The following GLIS3 variants were observed in gnomAD, a reference collection of about 807,000 sequenced individuals.
GLIS3 encodes the protein zinc finger protein GLIS3.
GLIS3 carries 53 observed loss-of-function variants against 78.6 expected under a neutral mutation model. The ratio of observed to expected loss-of-function variants is 0.67; its 90% CI spans 0.54 to 0.85. The LOEUF is 0.85. Ranked by LOEUF, GLIS3 falls within the 40% of genes least tolerant of loss-of-function variation. The pLI, the probability that GLIS3 is intolerant of heterozygous loss-of-function variation, is 0.00. For synonymous variants in GLIS3, 684 were observed against 509.9 expected (o/e 1.34, Z -4.60); for missense variants, 1,703 against 1,231.1 (o/e 1.38, Z -5.74).
At chr9:4,274,497 A>G (rs1587260746) in intron 2 of GLIS3, among the ~76,000 whole-genome samples, 1 of 151,792 alleles carries the variant, frequency 6.6e-6, no homozygotes, top group African/African-American at 2.4e-5. Flanking sequence ...CCTTCCTCAT[A>G]CCCTCTTGCA....
intron 4 of GLIS3, among the ~76,000 whole-genome samples, chr9:4,022,829 C>T (rs1358125073): frequency 6.6e-6 from 1 of 152,194 alleles, no homozygotes; most frequent in Non-Finnish European, 1.5e-5. Context: ...AGAAAGTATA[C>T]ACTATATGAT....
At chr9:4,305,346 C>T (rs1048357393) in intron 4 of GLIS3, 2 of 152,218 alleles carry the variant, frequency 1.3e-5, no homozygotes, top group Non-Finnish European at 2.9e-5. Context: ...TGAGCTGGTT[C>T]CTAAACCACG....
chr9:3,883,555 A>G (rs1349268937), intron 7 of GLIS3, among the ~76,000 whole-genome samples: 1 of 152,238 alleles, frequency 6.6e-6, no homozygotes, highest in Admixed American at 6.5e-5. Flanking sequence ...AACTCAACGA[A>G]TAGGGCACAC....
chr9:4,375,347 G>T, the GLIS3 span, among the ~76,000 whole-genome samples: 3 of 152,066 alleles, frequency 2.0e-5, no homozygotes, highest in South Asian at 6.2e-4. Context: ...TGAGAGTGTG[G>T]GTACAGAGAG....
At chr9:4,407,731 C>T in the GLIS3 span, among the ~76,000 whole-genome samples, 6 of 152,062 alleles carry the variant, frequency 3.9e-5, no homozygotes, top group Non-Finnish European at 8.8e-5. Context: ...GAGTAATACC[C>T]CGCAAGCGCA....
At chr9:4,438,539 G>C in the GLIS3 span, among the ~76,000 whole-genome samples, 1 of 152,124 alleles carries the variant, frequency 6.6e-6, no homozygotes, top group East Asian at 1.9e-4. Flanking sequence ...AGAAGAAATA[G>C]CTTATCCTGA....
chr9:4,007,099 A>G (rs1821608527), intron 4 of GLIS3, among the ~76,000 whole-genome samples: 2 of 152,222 alleles, frequency 1.3e-5, no homozygotes, highest in Non-Finnish European at 2.9e-5. Context: ...TCATCTTTCT[A>G]GAAGAAAAGA....
chr9:4,230,352 G>A (rs1822147550), intron 2 of GLIS3, among the ~76,000 whole-genome samples: 1 of 152,176 alleles, frequency 6.6e-6, no homozygotes, highest in Non-Finnish European at 1.5e-5. Context: ...CTTGCGAGGG[G>A]TATGAGAACC....
At chr9:4,446,051 G>C in the GLIS3 span, among the ~76,000 whole-genome samples, 1 of 152,054 alleles carries the variant, frequency 6.6e-6, no homozygotes, top group East Asian at 1.9e-4. Flanking sequence ...CAATTTTCAA[G>C]ATAATGGTGT....
chr9:4,486,092 C>A, the GLIS3 span, among the ~76,000 whole-genome samples: 4 of 152,024 alleles, frequency 2.6e-5, no homozygotes, highest in African/African-American at 9.7e-5. Flanking sequence ...TTTTTAAAAT[C>A]TTTTATATTG....
At chr9:4,401,870 G>A in the GLIS3 span, among the ~76,000 whole-genome samples, 1 of 152,280 alleles carries the variant, frequency 6.6e-6, no homozygotes, top group African/African-American at 2.4e-5. Context: ...GTGGACCAGT[G>A]GTGGTGATGG....
rs946922143 is a variant in GLIS3 at position 4,118,952 on chromosome 9, C to G, written c.597-71G>C. The G allele has an allele frequency of 8.8e-6, 13 of 1,480,596 alleles. No homozygotes were observed. Among genetic ancestry groups the G allele is most frequent in the Non-Finnish European group, 1.2e-5 (13 of 1,090,780 alleles). 91.7% of individuals were successfully genotyped at this position (1,480,596 alleles called of 1,614,324 possible). A position where few individuals can be genotyped will look rare whatever the true frequency, so the allele number is the denominator to read the frequency against. On this transcript the variant is annotated intron_variant, in intron 3 of 10. Transcript: ENST00000381971. The surrounding 1 kb of genome is among the most constrained non-coding windows in gnomAD (Gnocchi z 4.7). ...TAGCAGGATACGGATTGCTTAAGAGCTAAAAGAACACTGCATTGACAATCC... is the reference window on the plus strand; with the variant it reads ...TAGCAGGATACGGATTGCTTAAGAGGTAAAAGAACACTGCATTGACAATCC...
At chr9:4,395,047 G>C in the GLIS3 span, among the ~76,000 whole-genome samples, 2 of 152,136 alleles carry the variant, frequency 1.3e-5, no homozygotes, top group African/African-American at 2.4e-5. Flanking sequence ...ATCTATAATG[G>C]TGTACAATGT....
At chr9:4,447,369 C>A in the GLIS3 span, among the ~76,000 whole-genome samples, 2 of 152,110 alleles carry the variant, frequency 1.3e-5, no homozygotes, top group African/African-American at 4.8e-5. Context: ...GCCACCATGC[C>A]TGGCCTTAAA....
chr9:4,060,713 T>C (rs1826576574), intron 4 of GLIS3, among the ~76,000 whole-genome samples: 1 of 152,222 alleles, frequency 6.6e-6, no homozygotes, highest in Admixed American at 6.5e-5. Context: ...CTCTCAACCT[T>C]GAATTCCTCA....
At chr9:4,182,609 G>A (rs963867194) in intron 2 of GLIS3, among the ~76,000 whole-genome samples, 1 of 152,174 alleles carries the variant, frequency 6.6e-6, no homozygotes, top group South Asian at 2.1e-4. Flanking sequence ...CACAGGGAAA[G>A]AGATTCAATC....
the GLIS3 span, among the ~76,000 whole-genome samples, chr9:4,424,900 A>G: frequency 6.6e-6 from 1 of 152,014 alleles, no homozygotes; most frequent in Non-Finnish European, 1.5e-5. Flanking sequence ...GATGAAAAGA[A>G]TACACTGGGC....
At chr9:4,396,299 T>C in the GLIS3 span, among the ~76,000 whole-genome samples, 1 of 152,090 alleles carries the variant, frequency 6.6e-6, no homozygotes, top group Non-Finnish European at 1.5e-5. Context: ...TTTTGCATTT[T>C]TAGTAGAGAC....
chr9:3,865,325 A>G (rs1351531798), intron 8 of GLIS3, among the ~76,000 whole-genome samples: 1 of 152,222 alleles, frequency 6.6e-6, no homozygotes, highest in Non-Finnish European at 1.5e-5. Flanking sequence ...GACTGTCGCT[A>G]CGTGGGAAAG....
Sources: allele counts gnomAD v4.1 joint callset (sites outside exome capture counted in the v4.1 genomes callset), GRCh38; gene constraint gnomAD v4.1.1; non-coding constraint Gnocchi (gnomAD v3.1); transcripts MANE v1.5; gene names NCBI Gene and HGNC (gene_info 2026-07-23, HGNC 2026-07-21).